Variants in MOK observed in about 807,000 individuals in gnomAD.
MOK encodes MOK protein kinase.
In MOK, 59 loss-of-function variants were observed where a neutral mutation model predicts 54.2. The observed-to-expected ratio is 1.09, with a 90% CI of 0.88 to 1.35. The LOEUF is 1.35. Ranked by LOEUF, MOK falls within the 40% of genes most tolerant of loss-of-function variation. The probability of loss-of-function intolerance (pLI) is 0.00; values close to 1 mark genes in which losing one functional copy is unlikely to be tolerated. For synonymous variants in MOK, 210 were observed against 202.7 expected, an observed-to-expected ratio of 1.04 and a Z score of -0.31; for missense variants, 517 against 526.2, an observed-to-expected ratio of 0.98 and a Z score of 0.17.
At chr14:102,268,638 G>A (rs1178879744) in intron 2 of MOK, among the ~76,000 whole-genome samples, 4 of 152,110 alleles carry the variant, frequency 2.6e-5, no homozygotes, top group Non-Finnish European at 5.9e-5. Context: ...AAGATCGGCT[G>A]GGCACGGTGG....
intron 2 of MOK, among the ~76,000 whole-genome samples, chr14:102,268,064 T>C (rs1037339395): frequency 1.3e-5 from 2 of 152,140 alleles, no homozygotes; most frequent in African/African-American, 4.8e-5. Flanking sequence ...TTCCAATTTT[T>C]GAACACCCGA....
In MOK at chr14:102,244,682, G is replaced by C. The variant is rs1289682491; in HGVS notation, c.590+6130C>G. On this transcript the variant is annotated intron_variant, in intron 7 of 11. Coordinates refer to ENST00000361847, the MANE Select transcript of MOK (RefSeq NM_014226.3). Reference sequence around the variant, plus strand: ...TCTAGATAGACACTTTCACTGGATGGGTAGAGGCCTTTCCCACAAGGTCAA... The same window carrying C: ...TCTAGATAGACACTTTCACTGGATGCGTAGAGGCCTTTCCCACAAGGTCAA... 7.2e-5 allele frequency among the ~76,000 whole-genome samples: 11 copies of C among 152,110 alleles called. No homozygotes were observed. The East Asian group carries it at 1.2e-3, about 16-fold the overall frequency.
At position 102,265,873 on chromosome 14, in the gene MOK, C is replaced by T. The variant is rs2153138255; in HGVS notation, c.162G>A (p.Leu54=). ...QVNNLREIQA[L]RRLNPHPNIL... is the part of the protein sequence containing the mutation. ...TGTTTGGGTGCGGATTCAGGCGCCTCAGTGCTTGGATCTCTCGTAGGTTGT... is the reference window on the plus strand; with the variant it reads ...TGTTTGGGTGCGGATTCAGGCGCCTTAGTGCTTGGATCTCTCGTAGGTTGT... Residue 54 remains leucine, a synonymous_variant, in exon 3 of 12, where the codon CTG becomes CTA. Transcript: ENST00000361847. 1 of 1,614,030 alleles carries T rather than the reference C, an allele frequency of 6.2e-7. No individual in the cohort carries two copies. Among genetic ancestry groups the T allele is most frequent in the East Asian group, 2.2e-5 (1 of 44,874 alleles).
At chr14:102,267,946 C>T (rs1194310581) in intron 2 of MOK, among the ~76,000 whole-genome samples, 1 of 148,820 alleles carries the variant, frequency 6.7e-6, no homozygotes, top group Non-Finnish European at 1.5e-5. Flanking sequence ...TTCTACAATG[C>T]ACAGAACAGA....
chr14:102,269,419 A>G lies in MOK; in HGVS notation c.123-3507T>C, dbSNP rs115237318. Among the ~76,000 whole-genome samples, 805 of 148,572 alleles carry G rather than the reference A, an allele frequency of 5.4e-3. 8 individuals carry two copies. Among genetic ancestry groups the G allele is most frequent in the African/African-American group, 0.019 (773 of 40,416 alleles). On this transcript the variant is annotated intron_variant, in intron 2 of 11. Transcript: ENST00000361847. ...CAGGCTGGTCTCGACCCCCAACCTG[A>G]GGTGATCCACCCGCCTTGGCCTCCC...
In MOK at chr14:102,249,099, G is replaced by T. The variant is rs1597357563; in HGVS notation, c.590+1713C>A. ...AGGAACTCAGCCTGGCGTGTGCAGC[G>T]ACCTTAGCTGCTGGGAGGCTCCACT... On this transcript the variant is annotated intron_variant, in intron 7 of 11. Transcript: ENST00000361847. The surrounding 1 kb of genome is among the most constrained non-coding windows in gnomAD (Gnocchi z 5.3). Among the ~76,000 whole-genome samples, 1 of 152,056 alleles carries T rather than the reference G, an allele frequency of 6.6e-6. No individual in the cohort carries two copies. Among genetic ancestry groups the T allele is most frequent in the African/African-American group, 2.4e-5 (1 of 41,404 alleles).
the MOK span, among the ~76,000 whole-genome samples, chr14:102,218,190 G>T: frequency 6.6e-6 from 1 of 152,376 alleles, no homozygotes; most frequent in Non-Finnish European, 1.5e-5. Flanking sequence ...CTTTTGTTTG[G>T]GTTGGAAAGG....
chr14:102,303,028 G>T (rs1248488718), intron 1 of MOK, among the ~76,000 whole-genome samples: 2 of 151,840 alleles, frequency 1.3e-5, no homozygotes, highest in Non-Finnish European at 2.9e-5. Flanking sequence ...GGGCGTGGTG[G>T]TGCACACCTG....
the MOK span, among the ~76,000 whole-genome samples, chr14:102,215,371 TC>T: frequency 2.0e-5 from 3 of 152,166 alleles, no homozygotes; most frequent in African/African-American, 7.2e-5. Context: ...GGACTCACTA[TC>T]CCGGATGCTG....
At chr14:102,285,132 G>C (rs1013637230) in intron 1 of MOK, among the ~76,000 whole-genome samples, 2 of 149,452 alleles carry the variant, frequency 1.3e-5, no homozygotes, top group Admixed American at 1.3e-4. Context: ...AGATCTAGAA[G>C]AGAACCTTGG....
chr14:102,252,025 G>A (rs764508114), intron 4 of MOK, 30 bp from the exon 5 acceptor site: 1 of 1,195,956 alleles, frequency 8.4e-7, no homozygotes, highest in Non-Finnish European at 1.2e-6. Flanking sequence ...GGCAAATACG[G>A]TTACTGATGG....
intron 1 of MOK, among the ~76,000 whole-genome samples, chr14:102,300,323 C>CAAAAAAAAA (rs71468398): frequency 2.6e-5 from 1 of 38,476 alleles, no homozygotes. Flanking sequence ...AACTCTATCT[C>CAAAAAAAAA]AAAAAAAAAA....
chr14:102,304,906 CT>C, intron 1 of MOK, 55 bp downstream of exon 1: 2 of 1,528,970 alleles, frequency 1.3e-6, no homozygotes, highest in Admixed American at 1.9e-5. Flanking sequence ...CCCCCAGTCC[CT>C]CCCTCCCCCG....
chr14:102,254,115 G>A (rs191227114), intron 4 of MOK, among the ~76,000 whole-genome samples: 137 of 152,088 alleles, frequency 9.0e-4, no homozygotes, highest in African/African-American at 3.1e-3. Flanking sequence ...CTCTCGAGTA[G>A]TTGGAATTAC....
rs954740145 is a variant in MOK, at chr14:102,230,124, G to A, written c.982-467C>T. The stretch of plus-strand genomic sequence containing the variant: ...AGTGGTGCAATCTTGGCTCACTGTA[G>A]CCTCAGCTTCCTAGGCTCAGGCGAT... On this transcript the variant is annotated intron_variant, in intron 10 of 11. Transcript: ENST00000361847. This position sits in a 1 kb window ranked among gnomAD's most constrained non-coding sequence, Gnocchi z 4.1. 8 of 158,446 alleles carry A rather than the reference G, an allele frequency of 5.0e-5. No individual in the cohort carries two copies. The highest frequency in any genetic ancestry group is 1.7e-4 in the African/African-American group (7 of 41,502). 9.8% of individuals were successfully genotyped at this position (158,446 alleles called of 1,614,324 possible). A position where few individuals can be genotyped will look rare whatever the true frequency, so the allele number is the denominator to read the frequency against.
chr14:102,226,926 G>T (rs1488201254), downstream of MOK, among the ~76,000 whole-genome samples: 2 of 152,118 alleles, frequency 1.3e-5, no homozygotes, highest in Non-Finnish European at 2.9e-5. This position sits in a 1 kb window ranked among gnomAD's most constrained non-coding sequence, Gnocchi z 4.8. Context: ...TGCCGGGCTC[G>T]ACACTGCTTC....
At chr14:102,243,002 C>T (rs1207736582) in intron 7 of MOK, among the ~76,000 whole-genome samples, 3 of 152,130 alleles carry the variant, frequency 2.0e-5, no homozygotes, top group Admixed American at 6.6e-5. Flanking sequence ...TCATGGACAG[C>T]CCCCATTACT....
chr14:102,279,829 T>TA (rs1311260033), intron 2 of MOK, among the ~76,000 whole-genome samples: 1 of 152,096 alleles, frequency 6.6e-6, no homozygotes, highest in African/African-American at 2.4e-5. Context: ...TGTATTTTTT[T>TA]ACCTTTCTTT....
intron 4 of MOK, among the ~76,000 whole-genome samples, chr14:102,256,099 T>C (rs571436642): frequency 6.7e-6 from 1 of 149,814 alleles, no homozygotes; most frequent in African/African-American, 2.5e-5. Context: ...AAATGAGTTA[T>C]TATTATTTTT....
Sources: allele counts gnomAD v4.1 joint callset (sites outside exome capture counted in the v4.1 genomes callset), GRCh38; gene constraint gnomAD v4.1.1; non-coding constraint Gnocchi (gnomAD v3.1); transcripts MANE v1.5; gene names NCBI Gene and HGNC (gene_info 2026-07-23, HGNC 2026-07-21).